The following GSG1L variants were observed in gnomAD, a reference collection of about 807,000 sequenced individuals.
GSG1L encodes germ cell-specific gene 1-like protein.
GSG1L carries 24 observed loss-of-function variants against 42.1 expected under a neutral mutation model. The observed-to-expected ratio is 0.57, with a 90% CI of 0.41 to 0.80. The LOEUF is 0.80. Among genes scored for constraint, GSG1L ranks in the 30% least tolerant of loss-of-function variants. The probability of loss-of-function intolerance (pLI) is 0.00; values close to 1 mark genes in which losing one functional copy is unlikely to be tolerated. For missense variants in GSG1L, 445 were observed against 472.2 expected, an observed-to-expected ratio of 0.94 and a Z score of 0.53; for synonymous variants, 215 against 203.5, an observed-to-expected ratio of 1.06 and a Z score of -0.48.
intron 1 of GSG1L, among the ~76,000 whole-genome samples, chr16:27,977,320 C>T (rs533379514): frequency 2.6e-5 from 4 of 152,246 alleles, no homozygotes; most frequent in African/African-American, 7.2e-5. Context: ...GTAGCTCATT[C>T]GTGTAATCCC....
intron 3 of GSG1L, among the ~76,000 whole-genome samples, chr16:27,880,829 T>C (rs2083943649): frequency 6.6e-6 from 1 of 151,430 alleles, no homozygotes; most frequent in Non-Finnish European, 1.5e-5. Flanking sequence ...ATGGAGGGGA[T>C]TTTTTGATGC....
chr16:27,837,837 C>A (rs188385573), intron 4 of GSG1L, among the ~76,000 whole-genome samples: 84 of 148,830 alleles, frequency 5.6e-4, no homozygotes, highest in Admixed American at 1.3e-3. Flanking sequence ...CTAGAGAAAG[C>A]GGACTTTAGT....
At chr16:27,956,057 A>G in intron 2 of GSG1L, among the ~76,000 whole-genome samples, 1 of 152,212 alleles carries the variant, frequency 6.6e-6, no homozygotes, top group East Asian at 1.9e-4. Flanking sequence ...ACATTTGCCA[A>G]TAATTTGCAA....
At chr16:27,947,581 GAAAGAAAGAA>G (rs1403659591) in intron 2 of GSG1L, among the ~76,000 whole-genome samples, 6 of 103,922 alleles carry the variant, frequency 5.8e-5, no homozygotes, top group Non-Finnish European at 1.1e-4. Flanking sequence ...AAGAAAGAAA[GAAAGAAAGAA>G]AGAAAGAAAA....
chr16:27,809,025 A>G (rs2083000437), intron 5 of GSG1L, among the ~76,000 whole-genome samples: 1 of 152,182 alleles, frequency 6.6e-6, no homozygotes, highest in South Asian at 2.1e-4. Flanking sequence ...TAACCCAGGT[A>G]AATTCCAGAG....
chr16:27,941,105 G>A lies in GSG1L; in HGVS notation c.397+22051C>T, dbSNP rs182376301. On this transcript the variant is annotated intron_variant, in intron 2 of 6. Coordinates refer to ENST00000447459, the MANE Select transcript of GSG1L (RefSeq NM_001109763.2). ...ACATTGGATTTGGCAACAGTTCCTT[G>A]GGTATAAAACCAAAAGCACAGGCAT... is the stretch of plus-strand genomic sequence containing the variant. Among the ~76,000 whole-genome samples the A allele has an allele frequency of 1.8e-3, 279 of 152,050 alleles. 1 individual carries two copies. The highest frequency in any genetic ancestry group is 6.5e-3 in the African/African-American group (271 of 41,482).
At position 27,888,482 on chromosome 16, in the gene GSG1L, C is replaced by T. The variant is rs188389868; in HGVS notation, c.398-3844G>A. ...TTTCTTTCTCTCTCTCTCTCTCTTT[C>T]CTTTCTTTCTTTCTTTCTTTCTTTC... On this transcript the variant is annotated intron_variant, in intron 2 of 6. Coordinates refer to ENST00000447459, the MANE Select transcript of GSG1L (RefSeq NM_001109763.2). Among the ~76,000 whole-genome samples the T allele has an allele frequency of 6.2e-3, 424 of 68,916 alleles. 60 individuals carry two copies. The highest frequency in any genetic ancestry group is 8.1e-3 in the Non-Finnish European group (291 of 35,872). 45.2% of individuals were successfully genotyped at this position (68,916 alleles called of 152,430 possible).
intron 6 of GSG1L, among the ~76,000 whole-genome samples, chr16:27,800,144 C>T (rs3886509): frequency 0.015 from 2,273 of 152,236 alleles, 58 homozygotes; most frequent in African/African-American, 0.052. Flanking sequence ...GTGCCATCTG[C>T]GCTCCCAGCA....
intron 1 of GSG1L, among the ~76,000 whole-genome samples, chr16:28,007,964 G>A (rs1237979048): frequency 6.6e-6 from 1 of 152,204 alleles, no homozygotes; most frequent in African/African-American, 2.4e-5. Context: ...GACCAAGGGT[G>A]TTAAGTGAAA....
intron 2 of GSG1L, among the ~76,000 whole-genome samples, chr16:27,887,029 C>T (rs941667162): frequency 1.3e-5 from 2 of 151,992 alleles, no homozygotes; most frequent in Non-Finnish European, 2.9e-5. Context: ...GATCATAGCT[C>T]CCAGCAACCT....
chr16:28,019,235 G>A (rs767937615), intron 1 of GSG1L, among the ~76,000 whole-genome samples: 2 of 152,184 alleles, frequency 1.3e-5, no homozygotes, highest in Non-Finnish European at 2.9e-5. Context: ...TGATAAAACA[G>A]CATGAAGTGA....
chr16:28,052,605 G>A (rs1180461114), intron 1 of GSG1L, among the ~76,000 whole-genome samples: 1 of 152,166 alleles, frequency 6.6e-6, no homozygotes, highest in Admixed American at 6.5e-5. Context: ...CAGAGATGGA[G>A]CATCCTTTAT....
intron 3 of GSG1L, among the ~76,000 whole-genome samples, chr16:27,853,487 G>C (rs1006329452): frequency 1.3e-5 from 2 of 152,178 alleles, no homozygotes; most frequent in Non-Finnish European, 2.9e-5. Flanking sequence ...GACACGGGGA[G>C]GGGGGTGAGC....
chr16:27,850,023 CTTTTTTTTTTT>C (rs57543425), intron 3 of GSG1L, among the ~76,000 whole-genome samples: 1 of 70,068 alleles, frequency 1.4e-5, no homozygotes, highest in East Asian at 5.1e-4. Flanking sequence ...TTTGAAATGC[CTTTTTTTTTTT>C]TTTTTTTTTT....
chr16:27,891,993 G>A (rs1053849282), intron 2 of GSG1L, among the ~76,000 whole-genome samples: 5 of 144,042 alleles, frequency 3.5e-5, no homozygotes, highest in South Asian at 2.3e-4. Context: ...CAGCACCACC[G>A]GACTCACCTG....
At chr16:27,811,574 C>T (rs945652875) in intron 5 of GSG1L, among the ~76,000 whole-genome samples, 2 of 152,226 alleles carry the variant, frequency 1.3e-5, no homozygotes, top group African/African-American at 2.4e-5. Flanking sequence ...CTTCCAGCAT[C>T]CTCCTGCTTT....
chr16:28,054,647 A>T (rs1455482275), intron 1 of GSG1L, among the ~76,000 whole-genome samples: 1 of 151,360 alleles, frequency 6.6e-6, no homozygotes, highest in Non-Finnish European at 1.5e-5. Flanking sequence ...ATAATAATAA[A>T]ATAAAATAAT....
chr16:27,952,956 T>C (rs2084965975), intron 2 of GSG1L, among the ~76,000 whole-genome samples: 1 of 152,268 alleles, frequency 6.6e-6, no homozygotes. Flanking sequence ...GGGCAACCGC[T>C]GACCCAACTT....
chr16:27,904,633 C>T (rs2084299107), intron 2 of GSG1L, among the ~76,000 whole-genome samples: 1 of 152,108 alleles, frequency 6.6e-6, no homozygotes, highest in Non-Finnish European at 1.5e-5. Context: ...AGTGACCTGG[C>T]CCCTGCCCAC....
Sources: allele counts gnomAD v4.1 joint callset (sites outside exome capture counted in the v4.1 genomes callset), GRCh38; gene constraint gnomAD v4.1.1; transcripts MANE v1.5; gene names NCBI Gene and HGNC (gene_info 2026-07-23, HGNC 2026-07-21).